OSBPL8: variants seen among roughly 807,000 people sequenced by gnomAD.
OSBPL8 encodes oxysterol-binding protein-related protein 8.
In OSBPL8, 59 loss-of-function variants were observed where a neutral mutation model predicts 125.5. That is an observed-to-expected ratio of 0.47 (90% CI 0.38 to 0.58). The LOEUF is 0.58. Ranked by LOEUF, OSBPL8 falls within the 20% of genes least tolerant of loss-of-function variation. The pLI, the probability that OSBPL8 is intolerant of heterozygous loss-of-function variation, is 0.00. For missense variants in OSBPL8, 758 were observed against 1,047.8 expected (o/e 0.72, Z 3.82); for synonymous variants, 330 against 338.9 (o/e 0.97, Z 0.29).
At chr12:76,430,688 T>G (rs1424815764) in intron 4 of OSBPL8, among the ~76,000 whole-genome samples, 1 of 152,198 alleles carries the variant, frequency 6.6e-6, no homozygotes, top group Non-Finnish European at 1.5e-5. Flanking sequence ...CATTTTTCAA[T>G]GGAAACCTTG....
intron 1 of OSBPL8, among the ~76,000 whole-genome samples, chr12:76,513,075 T>C (rs1881167057): frequency 6.6e-6 from 1 of 152,266 alleles, no homozygotes; most frequent in African/African-American, 2.4e-5. Flanking sequence ...TTCAGCAGCA[T>C]GCTGTTTAAT....
chr12:76,369,933 T>G, intron 19 of OSBPL8, 111 bp from the exon 20 acceptor site: 1 of 1,103,858 alleles, frequency 9.1e-7, no homozygotes, highest in South Asian at 1.8e-5. Flanking sequence ...CATGAATTTC[T>G]GGCTTTGACA....
intron 1 of OSBPL8, among the ~76,000 whole-genome samples, chr12:76,524,326 G>C (rs1253569747): frequency 6.6e-6 from 1 of 152,164 alleles, no homozygotes; most frequent in East Asian, 1.9e-4. Context: ...TAAGTTATTT[G>C]TTAGGAGGTG....
rs774965276 is a variant in OSBPL8, at chr12:76,410,595, T to C, written c.257A>G (p.Asp86Gly). The C allele has an allele frequency of 1.2e-6, 2 of 1,606,336 alleles. No individual in the cohort carries two copies. Among genetic ancestry groups the C allele is most frequent in the Non-Finnish European group, 1.7e-6 (2 of 1,173,948 alleles). ...CTTTGACATAGAAAGTGAAGATTCATCTTTATTTTGAGAAATATCTTCCTT... is the reference window on the plus strand; with the variant it reads ...CTTTGACATAGAAAGTGAAGATTCACCTTTATTTTGAGAAATATCTTCCTT... ...RGKEDISQNK[D>G]ESSLSMSKSK... Residue 86 changes from aspartate (D) to glycine (G), a missense_variant, in exon 5 of 24, where the codon GAT becomes GGT. Asp to Gly is a moderately conservative substitution (Grantham distance 94). Around this residue, in one of 3 missense-constraint regions of OSBPL8, gnomAD observed 117 missense variants for 137.1 expected, o/e 0.85. Transcript: ENST00000261183.
intron 19 of OSBPL8, among the ~76,000 whole-genome samples, chr12:76,370,444 T>C (rs1001309892): frequency 6.6e-6 from 1 of 152,164 alleles, no homozygotes; most frequent in Admixed American, 6.6e-5. Flanking sequence ...TATATCTATA[T>C]CCTACCCATC....
intron 1 of OSBPL8, chr12:76,536,856 C>T (rs963978494): frequency 5.4e-5 from 8 of 148,748 alleles, no homozygotes; most frequent in South Asian, 2.1e-4. Flanking sequence ...TCCCATCTGA[C>T]GCGAACACTC....
intron 1 of OSBPL8, among the ~76,000 whole-genome samples, chr12:76,488,012 T>C (rs982532909): frequency 1.3e-5 from 2 of 152,206 alleles, no homozygotes; most frequent in Non-Finnish European, 2.9e-5. Context: ...TATGAGAATA[T>C]AAATCAGGAC....
At chr12:76,398,368 T>C (rs531260957) in intron 7 of OSBPL8, among the ~76,000 whole-genome samples, 2 of 152,158 alleles carry the variant, frequency 1.3e-5, no homozygotes, top group South Asian at 2.1e-4. Flanking sequence ...GAAGAGAAAA[T>C]AACTTCCTCC....
At chr12:76,474,595 C>T (rs1233183971) in intron 2 of OSBPL8, among the ~76,000 whole-genome samples, 1 of 152,156 alleles carries the variant, frequency 6.6e-6, no homozygotes, top group Non-Finnish European at 1.5e-5. Context: ...GATCCTCCCA[C>T]CTCAGCCTCT....
At chr12:76,403,947 A>G (rs1954152563) in intron 5 of OSBPL8, among the ~76,000 whole-genome samples, 1 of 152,240 alleles carries the variant, frequency 6.6e-6, no homozygotes, top group Middle Eastern at 3.2e-3. Context: ...TAAAATAGGT[A>G]CTTGCAGCTC....
intron 1 of OSBPL8, among the ~76,000 whole-genome samples, chr12:76,515,555 A>C (rs1189916642): frequency 6.6e-6 from 1 of 152,152 alleles, no homozygotes; most frequent in Non-Finnish European, 1.5e-5. Flanking sequence ...GTTCCCTCTC[A>C]ACACTCTGAA....
chr12:76,534,689 G>A (rs187061564), intron 1 of OSBPL8, among the ~76,000 whole-genome samples: 219 of 152,258 alleles, frequency 1.4e-3, no homozygotes, highest in Non-Finnish European at 2.5e-3. Context: ...ATGAGGTCAA[G>A]AGAGTAAACT....
intron 1 of OSBPL8, among the ~76,000 whole-genome samples, chr12:76,527,874 G>A (rs888094527): frequency 2.0e-5 from 3 of 152,136 alleles, no homozygotes; most frequent in African/African-American, 7.2e-5. Flanking sequence ...TCTTGAAAAG[G>A]TAGTCTAGAG....
intron 2 of OSBPL8, among the ~76,000 whole-genome samples, chr12:76,467,371 T>A (rs1438785191): frequency 6.6e-6 from 1 of 152,238 alleles, no homozygotes; most frequent in African/African-American, 2.4e-5. Context: ...TTCTTCTTCA[T>A]ACCTAGCATA....
intron 1 of OSBPL8, among the ~76,000 whole-genome samples, chr12:76,494,966 G>C (rs1337079781): frequency 6.6e-6 from 1 of 152,076 alleles, no homozygotes; most frequent in Non-Finnish European, 1.5e-5. Flanking sequence ...ATGGATTTCA[G>C]AACTTCTTAG....
chr12:76,357,644 A>C (rs1241923984), intron 22 of OSBPL8, among the ~76,000 whole-genome samples: 11 of 152,178 alleles, frequency 7.2e-5, no homozygotes, highest in Admixed American at 7.2e-4. Context: ...CTCCAAGCCT[A>C]GATTGCTATA....
rs73385572 is a variant in OSBPL8 at position 76,540,450 on chromosome 12, T to C, written c.-68+18947A>G. On this transcript the variant is annotated intron_variant, in intron 1 of 23. Coordinates refer to ENST00000261183, the MANE Select transcript of OSBPL8 (RefSeq NM_020841.5). ...GAAAAACTGCAAAACAACATTACAATAGAATACGAGTTCTGTTTTTAAAAA... is the reference window on the plus strand; with the variant it reads ...GAAAAACTGCAAAACAACATTACAACAGAATACGAGTTCTGTTTTTAAAAA... Among the ~76,000 whole-genome samples the C allele has an allele frequency of 8.2e-3, 1,249 of 151,696 alleles. 14 individuals are homozygous for C. The highest frequency in any genetic ancestry group is 0.029 in the African/African-American group (1,183 of 41,324).
intron 2 of OSBPL8, among the ~76,000 whole-genome samples, chr12:76,471,928 C>T (rs1002073760): frequency 2.6e-5 from 4 of 152,194 alleles, no homozygotes; most frequent in African/African-American, 7.2e-5. Flanking sequence ...TAAGCATTAC[C>T]TTGTCTTAAA....
intron 4 of OSBPL8, among the ~76,000 whole-genome samples, chr12:76,450,168 A>G (rs1373295017): frequency 6.6e-6 from 1 of 152,178 alleles, no homozygotes; most frequent in Non-Finnish European, 1.5e-5. Context: ...ACATCTGGAA[A>G]CATTTCTGGT....
Sources: gnomAD v4.1 joint callset for allele counts (sites outside exome capture counted in the v4.1 genomes callset) on GRCh38, gnomAD v4.1.1 for gene constraint, gnomAD v4.1.1 regional missense constraint, MANE v1.5 for transcripts, NCBI Gene and HGNC (gene_info 2026-07-23, HGNC 2026-07-21) for gene names.